Variants in GREB1L observed in about 807,000 individuals in gnomAD.
GREB1L encodes GREB1 like retinoic acid receptor coactivator, also known as GREB1-like protein.
A neutral mutation model predicts 200.8 loss-of-function variants in GREB1L; 17 were observed. That is an observed-to-expected ratio of 0.08 (90% CI 0.06 to 0.13). GREB1L has a LOEUF of 0.13. Among genes scored for constraint, GREB1L ranks in the 10% least tolerant of loss-of-function variants. The pLI is 1.00. For missense variants in GREB1L, 1,657 were observed against 2,367.7 expected, an observed-to-expected ratio of 0.70 and a Z score of 6.23; for synonymous variants, 789 against 893.0, an observed-to-expected ratio of 0.88 and a Z score of 2.08.
chr18:21,489,259 CAG>C (rs2036239742), intron 18 of GREB1L, among the ~76,000 whole-genome samples: 2 of 152,126 alleles, frequency 1.3e-5, no homozygotes, highest in African/African-American at 4.8e-5. Flanking sequence ...CTACCAGGCT[CAG>C]ATTTGCTTGG....
chr18:21,402,470 C>A (rs1238560352), intron 6 of GREB1L, among the ~76,000 whole-genome samples: 1 of 140,808 alleles, frequency 7.1e-6, no homozygotes, highest in Non-Finnish European at 1.5e-5. Context: ...TTTCCTTTCC[C>A]TTTTTCTTTC....
At chr18:21,464,764 T>C (rs1451824769) in intron 15 of GREB1L, among the ~76,000 whole-genome samples, 2 of 152,132 alleles carry the variant, frequency 1.3e-5, no homozygotes, top group Non-Finnish European at 2.9e-5. Context: ...TGAGGTATAA[T>C]TGCCAAAACT....
intron 2 of GREB1L, among the ~76,000 whole-genome samples, chr18:21,371,152 T>C (rs1241265918): frequency 6.6e-6 from 1 of 152,156 alleles, no homozygotes; most frequent in Non-Finnish European, 1.5e-5. Flanking sequence ...CTGGCCACGT[T>C]TTAAGTGTTC....
intron 1 of GREB1L, among the ~76,000 whole-genome samples, chr18:21,260,114 T>C (rs764472547): frequency 3.9e-4 from 60 of 152,014 alleles, no homozygotes; most frequent in Non-Finnish European, 7.5e-4. Context: ...ATGTAGATTA[T>C]ATTGAGAAAT....
At chr18:21,327,419 A>G (rs576632232) in intron 1 of GREB1L, among the ~76,000 whole-genome samples, 19 of 152,058 alleles carry the variant, frequency 1.2e-4, no homozygotes, top group Admixed American at 5.2e-4. Flanking sequence ...AATAAACGAC[A>G]TCTCAGCTCC....
chr18:21,274,929 A>T (rs1295071604), intron 1 of GREB1L, among the ~76,000 whole-genome samples: 1 of 151,654 alleles, frequency 6.6e-6, no homozygotes, highest in Non-Finnish European at 1.5e-5. Context: ...TTAAAATACC[A>T]CACTTGTAAT....
chr18:21,278,686 A>G (rs1273294315), intron 1 of GREB1L, among the ~76,000 whole-genome samples: 2 of 152,136 alleles, frequency 1.3e-5, no homozygotes, highest in African/African-American at 4.8e-5. Flanking sequence ...AACACCAGTC[A>G]TGTGGTAGAT....
intron 4 of GREB1L, among the ~76,000 whole-genome samples, chr18:21,391,881 C>T (rs1364255885): frequency 6.6e-6 from 1 of 152,176 alleles, no homozygotes. Flanking sequence ...GCAATCTCGG[C>T]TCACTGCAAC....
At chr18:21,481,467 GTGTGTGTGTGTATA>G (rs1221475981) in intron 17 of GREB1L, among the ~76,000 whole-genome samples, 5 of 103,530 alleles carry the variant, frequency 4.8e-5, no homozygotes, top group Non-Finnish European at 7.3e-5. Context: ...GTGTGTGTGT[GTGTGTGTGTGTATA>G]TATATATATA....
Position 21,357,079 on chromosome 18 carries a change from GAGTCTC to G in GREB1L, c.-119-8946_-119-8941del, listed in dbSNP as rs1490415296. 1.1e-4 allele frequency among the ~76,000 whole-genome samples: 17 copies of G among 152,174 alleles called. No individual in the cohort carries two copies. The East Asian group carries it at 3.1e-3, about 28-fold the overall frequency. On this transcript the variant is annotated intron_variant, in intron 1 of 32. Transcript: ENST00000424526. ...TTTATTTATTTATTTATTTGAGATGGAGTCTCACTCTGTTGCCCAGGCTGGAGTGCA... is the reference window on the plus strand; with the variant it reads ...TTTATTTATTTATTTATTTGAGATGGACTCTGTTGCCCAGGCTGGAGTGCA...
intron 1 of GREB1L, among the ~76,000 whole-genome samples, chr18:21,285,501 C>A (rs147611347): frequency 1.2e-3 from 189 of 152,136 alleles, no homozygotes; most frequent in Non-Finnish European, 2.3e-3. Flanking sequence ...CAGGTCATAT[C>A]TGGGAGAGTA....
At chr18:21,344,074 C>G (rs1354370363) in intron 1 of GREB1L, among the ~76,000 whole-genome samples, 5 of 152,192 alleles carry the variant, frequency 3.3e-5, no homozygotes, top group African/African-American at 1.2e-4. Flanking sequence ...CATGCCCAGC[C>G]TGGATTGTTA....
chr18:21,447,032 C>A (rs539223586), intron 11 of GREB1L, among the ~76,000 whole-genome samples: 1 of 152,160 alleles, frequency 6.6e-6, no homozygotes, highest in Non-Finnish European at 1.5e-5. Flanking sequence ...CCTCAGCTAA[C>A]CTAAGTTATT....
intron 1 of GREB1L, among the ~76,000 whole-genome samples, chr18:21,348,465 C>T (rs2039385349): frequency 1.3e-5 from 2 of 151,688 alleles, no homozygotes; most frequent in Admixed American, 6.6e-5. Context: ...ATAGTGAGAC[C>T]CCATCTCTAC....
At chr18:21,332,166 G>T (rs1450355451) in intron 1 of GREB1L, among the ~76,000 whole-genome samples, 1 of 152,046 alleles carries the variant, frequency 6.6e-6, no homozygotes, top group Non-Finnish European at 1.5e-5. Flanking sequence ...ACTGACCCAG[G>T]GTCATAAATA....
At chr18:21,283,780 T>C (rs1195841451) in intron 1 of GREB1L, among the ~76,000 whole-genome samples, 2 of 152,196 alleles carry the variant, frequency 1.3e-5, no homozygotes, top group Non-Finnish European at 1.5e-5. Flanking sequence ...ATTAACTGTC[T>C]TTAGGATATG....
intron 7 of GREB1L, among the ~76,000 whole-genome samples, chr18:21,405,267 A>G (rs2030048536): frequency 6.6e-6 from 1 of 152,252 alleles, no homozygotes; most frequent in African/African-American, 2.4e-5. Context: ...GGCCATTGAA[A>G]GCATAGCCTT....
chr18:21,313,695 A>G (rs1375357838), intron 1 of GREB1L, among the ~76,000 whole-genome samples: 2 of 152,194 alleles, frequency 1.3e-5, no homozygotes, highest in Non-Finnish European at 1.5e-5. Flanking sequence ...ATACCAACAC[A>G]AAAAAAGAAG....
chr18:21,472,394 T>C (rs1223234606), intron 15 of GREB1L, among the ~76,000 whole-genome samples: 1 of 152,212 alleles, frequency 6.6e-6, no homozygotes, highest in African/African-American at 2.4e-5. Flanking sequence ...TATCAAAGTT[T>C]CATAGTTTCT....
Sources: gnomAD v4.1 joint callset for allele counts (sites outside exome capture counted in the v4.1 genomes callset) on GRCh38, gnomAD v4.1.1 for gene constraint, MANE v1.5 for transcripts, NCBI Gene and HGNC (gene_info 2026-07-23, HGNC 2026-07-21) for gene names.